REELD1: variants seen among roughly 807,000 people sequenced by gnomAD.
REELD1 encodes reelin domain-containing protein 1.
A neutral mutation model predicts 6.3 loss-of-function variants in REELD1; 12 were observed. That is an observed-to-expected ratio of 1.89 (90% CI 1.21 to 3.07). The LOEUF (loss-of-function observed/expected upper bound fraction) is 3.07. Among genes scored for constraint, REELD1 ranks in the 30% most tolerant of loss-of-function variants. The pLI, the probability that REELD1 is intolerant of heterozygous loss-of-function variation, is 0.00. For synonymous variants in REELD1, 57 were observed against 33.6 expected, an observed-to-expected ratio of 1.70 and a Z score of -2.42; for missense variants, 163 against 86.8, an observed-to-expected ratio of 1.88 and a Z score of -3.49.
chr4:146,230,042 C>G lies in REELD1; in HGVS notation c.1110C>G (p.Leu370=). The G allele has an allele frequency of 2.5e-6, 1 of 398,786 alleles. No individual in the cohort carries two copies. Among genetic ancestry groups the G allele is most frequent in the South Asian group, 1.3e-4 (1 of 7,866 alleles). The allele number at this position is 398,786 out of a possible 1,614,324, so 24.7% of individuals were successfully genotyped here. A position where few individuals can be genotyped will look rare whatever the true frequency, so the allele number is the denominator to read the frequency against. Residue 370 remains leucine, a synonymous_variant, in exon 8 of 8, where the codon CTC becomes CTG. Coordinates refer to ENST00000623665, the MANE Select transcript of REELD1 (RefSeq NM_001354631.1). The part of the protein sequence containing the change: ...GVRASNPIPV[L]QTSGTSGLPA... ...GGGCAAGCAACCCAATCCCTGTCCT[C>G]CAGACCTCTGGCACTTCTGGGCTAC...
chr4:146,224,742 G>A (rs1730990539), intron 5 of REELD1, 134 bp downstream of exon 5: 1 of 630,264 alleles, frequency 1.6e-6, no homozygotes, highest in Non-Finnish European at 2.9e-6. Context: ...GTGGCCAACT[G>A]CAGCAGTTCT....
intron 3 of REELD1, among the ~76,000 whole-genome samples, 163 bp downstream of exon 3, chr4:146,217,323 G>T (rs984215665): frequency 6.6e-6 from 1 of 152,104 alleles, no homozygotes; most frequent in East Asian, 1.9e-4. Flanking sequence ...GCCCTGGCTG[G>T]TCTGAAACTC....
At chr4:146,228,187 G>T (rs181591750) in intron 5 of REELD1, 23 bp from the exon 6 acceptor site, 5 of 694,510 alleles carry the variant, frequency 7.2e-6, no homozygotes, top group South Asian at 4.5e-5. Context: ...CTCACTCTGC[G>T]CTGTCTTTGG....
intron 5 of REELD1, among the ~76,000 whole-genome samples, chr4:146,226,419 T>C (rs1731023500): frequency 6.6e-6 from 1 of 152,202 alleles, no homozygotes; most frequent in South Asian, 2.1e-4. Flanking sequence ...CTAGACTGAA[T>C]AATTTATAAA....
At chr4:146,225,557 C>T (rs1731006422) in intron 5 of REELD1, among the ~76,000 whole-genome samples, 1 of 152,124 alleles carries the variant, frequency 6.6e-6, no homozygotes, top group African/African-American at 2.4e-5. Context: ...TCCAACCTTC[C>T]CACCAAGACA....
chr4:146,230,388 G>T lies in REELD1; in HGVS notation c.1456G>T (p.Val486Phe). ...TTTCAGTGAGCCCGCTTCGGATGCT[G>T]TTGCCAGGAGCAACAGTGGTGAGAC... The part of the protein sequence containing the change: ...VSFSEPASDA[V>F]ARSNSGETVH... The change falls in exon 8 of 8, where the codon GTT becomes TTT. Residue 486 changes from valine (V) to phenylalanine (F), a missense_variant. Val to Phe is a conservative substitution (Grantham distance 50). Transcript: ENST00000623665. 2.5e-6 allele frequency: 1 copy of T among 398,798 alleles called. No individual in the cohort carries two copies. Among genetic ancestry groups the T allele is most frequent in the Non-Finnish European group, 4.4e-6 (1 of 226,174 alleles). 24.7% of individuals were successfully genotyped at this position (398,798 alleles called of 1,614,324 possible).
At chr4:146,215,286 T>G (rs1478884137) in intron 2 of REELD1, 88 bp downstream of exon 2, 1 of 152,264 alleles carries the variant, frequency 6.6e-6, no homozygotes, top group African/African-American at 2.4e-5. Flanking sequence ...CCCCCTTGAC[T>G]GAGAATGTGC....
At chr4:146,215,752 CTT>C (rs3029291) in intron 2 of REELD1, among the ~76,000 whole-genome samples, 6 of 122,768 alleles carry the variant, frequency 4.9e-5, no homozygotes, top group East Asian at 4.8e-4. Context: ...AAAAACAGAA[CTT>C]TTTTTTTTTT....
At position 146,216,973 on chromosome 4, in the gene REELD1, C is replaced by T. The variant is rs778385556; in HGVS notation, c.21C>T (p.Leu7=). The change falls in exon 3 of 8, where the codon CTC becomes CTT. Residue 7 remains leucine (L), a synonymous_variant. Transcript: ENST00000623665. Reference sequence around the variant, plus strand: ...GCAGGATGAGGATGCAGGCTGCCCTCGTGGGCTGGGCTTGTACCACCCTCT... The same window carrying T: ...GCAGGATGAGGATGCAGGCTGCCCTTGTGGGCTGGGCTTGTACCACCCTCT... MRMQAA[L]VGWACTTLCL... is the part of the protein sequence containing the mutation. 2.5e-5 allele frequency: 10 copies of T among 398,548 alleles called. No homozygotes were observed. The highest frequency in any genetic ancestry group is 4.0e-5 in the Non-Finnish European group (9 of 226,110). 24.7% of individuals were successfully genotyped at this position (398,548 alleles called of 1,614,324 possible). A position where few individuals can be genotyped will look rare whatever the true frequency, so the allele number is the denominator to read the frequency against.
intron 5 of REELD1, among the ~76,000 whole-genome samples, chr4:146,227,387 T>C (rs2110924878): frequency 6.6e-6 from 1 of 152,348 alleles, no homozygotes; most frequent in East Asian, 1.9e-4. Context: ...GAGAAACTTC[T>C]GCCAACACTG....
chr4:146,219,542 C>T (rs751236634), intron 3 of REELD1, among the ~76,000 whole-genome samples: 1 of 152,146 alleles, frequency 6.6e-6, no homozygotes, highest in Non-Finnish European at 1.5e-5. Context: ...ATAAAACAAT[C>T]CTAGACACCA....
At position 146,231,693 on chromosome 4, in the gene REELD1, C is replaced by T. The variant is rs1193569451; in HGVS notation, c.*1180C>T. 6.6e-6 allele frequency among the ~76,000 whole-genome samples: 1 copy of T among 152,224 alleles called. No individual in the cohort carries two copies. Among genetic ancestry groups the T allele is most frequent in the African/African-American group, 2.4e-5 (1 of 41,464 alleles). ...GCTAAGTAGTTTGCGTATATCTTCA[C>T]ATTTAACTCTCACAAAAATTTAATG... is the stretch of plus-strand genomic sequence containing the variant. On this transcript the variant is annotated 3_prime_UTR_variant, in exon 8 of 8. Coordinates refer to ENST00000623665, the MANE Select transcript of REELD1 (RefSeq NM_001354631.1).
Position 146,231,512 on chromosome 4 carries a change from C to G in REELD1, c.*999C>G, listed in dbSNP as rs1169006991. ...GTCAAAACAACAGATCTGAATATAA[C>G]TCTTAAATATGCTCACCTAATATAG... On this transcript the variant is annotated 3_prime_UTR_variant, in exon 8 of 8. Coordinates refer to ENST00000623665, the MANE Select transcript of REELD1 (RefSeq NM_001354631.1). Among the ~76,000 whole-genome samples the G allele has an allele frequency of 6.6e-6, 1 of 152,180 alleles. No homozygotes were observed. Among genetic ancestry groups the G allele is most frequent in the Non-Finnish European group, 1.5e-5 (1 of 68,020 alleles).
chr4:146,224,539 C>T lies in REELD1; in HGVS notation c.526C>T (p.Arg176Cys), dbSNP rs549611271. The T allele has an allele frequency of 2.7e-5, 19 of 702,024 alleles. No individual in the cohort carries two copies. The highest frequency in any genetic ancestry group is 2.7e-4 in the East Asian group (10 of 37,290). The allele number at this position is 702,024 out of a possible 1,614,324, so 43.5% of individuals were successfully genotyped here. A position where few individuals can be genotyped will look rare whatever the true frequency, so the allele number is the denominator to read the frequency against. Residue 176 changes from arginine to cysteine, a missense_variant, in exon 5 of 8, where the codon CGC (arginine) becomes TGC (cysteine). Transcript: ENST00000623665. ...ACATAGCAGCGCCCATTCTGACGACCGCATGGAGCCCAGATTGCTGATGCC... is the reference window on the plus strand; with the variant it reads ...ACATAGCAGCGCCCATTCTGACGACTGCATGGAGCCCAGATTGCTGATGCC... ...QTHSSAHSDD[R>C]MEPRLLMPNL...
At chr4:146,217,201 A>G in intron 3 of REELD1, 41 bp downstream of exon 3, 1 of 398,938 alleles carries the variant, frequency 2.5e-6, no homozygotes, top group Non-Finnish European at 4.4e-6. Flanking sequence ...GAGGAGCCCC[A>G]GAGCCCCCAT....
chr4:146,222,269 A>G (rs2110919675), intron 3 of REELD1, 88 bp from the exon 4 acceptor site: 1 of 397,828 alleles, frequency 2.5e-6, no homozygotes, highest in East Asian at 3.6e-5. Flanking sequence ...GGCTGATCTT[A>G]AGCTTTTAGT....
rs1730836479 is a variant in REELD1, at chr4:146,216,926, G to A, written c.-11-16G>A. The A allele has an allele frequency of 2.5e-6, 1 of 398,496 alleles. No homozygotes were observed. The highest frequency in any genetic ancestry group is 4.4e-6 in the Non-Finnish European group (1 of 226,080). 24.7% of individuals were successfully genotyped at this position (398,496 alleles called of 1,614,324 possible). Reference sequence around the variant, plus strand: ...AAATAACGTCTGGACTGAAGCTGCTGTTTGTCATGATACAGGAGAGGGCAG... The same window carrying A: ...AAATAACGTCTGGACTGAAGCTGCTATTTGTCATGATACAGGAGAGGGCAG... On this transcript the variant is annotated splice_polypyrimidine_tract_variant and intron_variant, in intron 2 of 7. Coordinates refer to ENST00000623665, the MANE Select transcript of REELD1 (RefSeq NM_001354631.1).
At chr4:146,228,977 GT>G in intron 6 of REELD1, 47 bp from the exon 7 acceptor site, 1 of 700,730 alleles carries the variant, frequency 1.4e-6, no homozygotes, top group Non-Finnish European at 2.6e-6. Flanking sequence ...TTGCTTTTTG[GT>G]CCAAAACTTA....
intron 5 of REELD1, 114 bp from the exon 6 acceptor site, chr4:146,228,096 T>C (rs1731056576): frequency 1.6e-6 from 1 of 625,046 alleles, no homozygotes; most frequent in Non-Finnish European, 2.9e-6. Context: ...TAATGGTCTC[T>C]CCTTGAGGCA....
Sources: gnomAD v4.1 joint callset for allele counts (sites outside exome capture counted in the v4.1 genomes callset) on GRCh38, gnomAD v4.1.1 for gene constraint, MANE v1.5 for transcripts, NCBI Gene and HGNC (gene_info 2026-07-23, HGNC 2026-07-21) for gene names.